Variants in USP31 observed in about 807,000 individuals in gnomAD.
USP31 encodes the protein ubiquitin specific peptidase 31.
Under a neutral mutation model 119.4 loss-of-function variants are expected in USP31, and 44 were observed. The ratio of observed to expected loss-of-function variants is 0.37; its 90% confidence interval spans 0.29 to 0.47. The LOEUF (loss-of-function observed/expected upper bound fraction) is 0.47. USP31 is among the 20% of genes least tolerant of loss of function. The pLI is 0.99. For synonymous variants in USP31, 749 were observed against 705.6 expected (o/e 1.06, Z -0.97); for missense variants, 1,643 against 1,730.2 (o/e 0.95, Z 0.89).
At position 23,066,532 on chromosome 16, in the gene USP31, A is replaced by G. The variant is rs1258772253; in HGVS notation, c.*1514T>C. The G allele has an allele frequency of 6.6e-6, 1 of 152,186 alleles. No individual in the cohort carries two copies. The highest frequency in any genetic ancestry group is 6.5e-5 in the Admixed American group (1 of 15,268). The allele number at this position is 152,186 out of a possible 1,614,324, so 9.4% of individuals were successfully genotyped here. ...TATGGATCTGTGCACCAAGGGTTCA[A>G]GAAGAACTTGAAGAGTCTGACGAAA... On this transcript the variant is annotated 3_prime_UTR_variant, in exon 16 of 16. Transcript: ENST00000219689.
chr16:23,148,703 G>A lies in USP31; in HGVS notation c.568C>T (p.Leu190=). 1 of 1,493,192 alleles carries A rather than the reference G, an allele frequency of 6.7e-7. No individual in the cohort carries two copies. Among genetic ancestry groups the A allele is most frequent in the Non-Finnish European group, 8.9e-7 (1 of 1,124,318 alleles). 92.5% of individuals were successfully genotyped at this position (1,493,192 alleles called of 1,614,324 possible). Residue 190 remains leucine (L), a synonymous_variant, in exon 1 of 16, where the codon CTG becomes TTG. Transcript: ENST00000219689. ...CAGAGGGCCCGCACCAGGTGCGCCA[G>A]CTGCTCAGTGACCTCGCCCTGGCCC... ...AQGQGEVTEQ[L]AHLVRALWTL... is the part of the protein sequence containing the mutation.
chr16:23,080,076 G>T lies in USP31; in HGVS notation c.2046C>A (p.Ser682Arg). 1 of 1,613,918 alleles carries T rather than the reference G, an allele frequency of 6.2e-7. No individual in the cohort carries two copies. Among genetic ancestry groups the T allele is most frequent in the Non-Finnish European group, 8.5e-7 (1 of 1,179,898 alleles). Reference protein sequence around the residue: ...TPHVVKRSQSSWSLPSHWSPW... With the variant: ...TPHVVKRSQSRWSLPSHWSPW... Reference sequence around the variant, plus strand: ...GGGACCAATGCGATGGCAAACTCCAGCTGCTCTGGCTCCTCTTAACCACGT... The same window carrying T: ...GGGACCAATGCGATGGCAAACTCCATCTGCTCTGGCTCCTCTTAACCACGT... Residue 682 changes from serine (S) to arginine (R), a missense_variant, in exon 13 of 16, where the codon AGC becomes AGA. Ser to Arg is a moderately radical substitution (Grantham distance 110, BLOSUM62 -1). Transcript: ENST00000219689.
chr16:23,114,363 T>C (rs1264429116), intron 1 of USP31, among the ~76,000 whole-genome samples: 1 of 150,128 alleles, frequency 6.7e-6, no homozygotes, highest in African/African-American at 2.5e-5. Context: ...TCTCATGGCA[T>C]AGAGTTGGGC....
chr16:23,147,040 G>A lies in USP31; in HGVS notation c.633+1598C>T, dbSNP rs1596742942. Among the ~76,000 whole-genome samples the A allele has an allele frequency of 2.0e-5, 3 of 150,740 alleles. No homozygotes were observed. The South Asian group carries it at 6.3e-4, about 32-fold the overall frequency. ...CAGGCTAACATCAAGCTGAGACTTC[G>A]TCCTGGGCAAGATTAGGATAGGAAA... On this transcript the variant is annotated intron_variant, in intron 1 of 15. Transcript: ENST00000219689.
intron 2 of USP31, among the ~76,000 whole-genome samples, chr16:23,107,467 G>A (rs1230637443): frequency 6.6e-6 from 1 of 152,168 alleles, no homozygotes; most frequent in African/African-American, 2.4e-5. Flanking sequence ...AAAATTTGAA[G>A]TACAGAGAAG....
chr16:23,110,118 G>C (rs537503031), intron 1 of USP31, among the ~76,000 whole-genome samples: 2 of 152,308 alleles, frequency 1.3e-5, no homozygotes, highest in African/African-American at 4.8e-5. Flanking sequence ...ATTAACAAAA[G>C]GGAAACTGAG....
At chr16:23,135,399 A>G (rs1903158832) in intron 1 of USP31, among the ~76,000 whole-genome samples, 1 of 152,184 alleles carries the variant, frequency 6.6e-6, no homozygotes, top group Admixed American at 6.5e-5. Context: ...AAGAAGAAAA[A>G]TGATCTCTTT....
chr16:23,148,824 G>T lies in USP31; in HGVS notation c.447C>A (p.Thr149=), dbSNP rs1012945718. ...GCGCCAGGTACTCGGCGAAGAGCTC[G>T]GTGTTGCTGAGGCACTGCAGCGTGG... ...MNATLQCLSN[T]ELFAEYLALG... The change falls in exon 1 of 16, where the codon ACC becomes ACA. Residue 149 remains threonine (T), a synonymous_variant. Transcript: ENST00000219689. 27 of 1,538,222 alleles carry T rather than the reference G, an allele frequency of 1.8e-5. No homozygotes were observed. Among genetic ancestry groups the T allele is most frequent in the African/African-American group, 2.9e-5 (2 of 69,876 alleles).
At chr16:23,092,666 G>A (rs939905258) in intron 6 of USP31, among the ~76,000 whole-genome samples, 9 of 152,126 alleles carry the variant, frequency 5.9e-5, no homozygotes, top group African/African-American at 1.9e-4. Context: ...ACAGGGAAAC[G>A]TAACAACTGG....
intron 15 of USP31, among the ~76,000 whole-genome samples, 185 bp downstream of exon 15, chr16:23,071,860 A>G (rs1596682507): frequency 1.3e-5 from 2 of 152,354 alleles, no homozygotes; most frequent in South Asian, 4.1e-4. Context: ...GGAAAAGCAA[A>G]TGACTCTGTT....
intron 11 of USP31, among the ~76,000 whole-genome samples, chr16:23,083,488 G>T (rs1201242274): frequency 6.6e-6 from 1 of 151,090 alleles, no homozygotes; most frequent in East Asian, 1.9e-4. Context: ...AAGGTATCCT[G>T]CTACCATTCT....
intron 15 of USP31, among the ~76,000 whole-genome samples, chr16:23,071,748 A>G (rs537466032): frequency 0.28 from 168 of 596 alleles, 6 homozygotes; most frequent in Admixed American, 0.32. Context: ...ACACTTTGGG[A>G]AAAAAAAAAA....
At chr16:23,079,663 T>C in intron 13 of USP31, 1 of 305,732 alleles carries the variant, frequency 3.3e-6, no homozygotes, top group East Asian at 5.6e-5. Context: ...GGAGCGCAGG[T>C]TAGGTAAACA....
chr16:23,134,271 A>G lies in USP31; in HGVS notation c.633+14367T>C, dbSNP rs180870375. 5.3e-5 allele frequency among the ~76,000 whole-genome samples: 8 copies of G among 152,356 alleles called. No individual in the cohort carries two copies. In the East Asian group the frequency reaches 1.5e-3, roughly 29 times the overall value. ...TGATGAAACAGAATACAAAATTCAG[A>G]AATAAACCGTAACTCTAAATACAGA... is the stretch of plus-strand genomic sequence containing the variant. On this transcript the variant is annotated intron_variant, in intron 1 of 15. Transcript: ENST00000219689.
intron 1 of USP31, among the ~76,000 whole-genome samples, chr16:23,130,874 T>C (rs1206470252): frequency 2.0e-5 from 3 of 152,208 alleles, no homozygotes; most frequent in African/African-American, 7.2e-5. Flanking sequence ...TCCTTTCACA[T>C]AGGTGCTATG....
chr16:23,078,117 T>G (rs965069139), intron 13 of USP31, among the ~76,000 whole-genome samples: 19 of 151,874 alleles, frequency 1.3e-4, no homozygotes, highest in Middle Eastern at 3.4e-3. Context: ...ATCGAGACCA[T>G]CCTGGCCAAC....
intron 6 of USP31, 105 bp from the exon 7 acceptor site, chr16:23,090,909 T>C (rs1309445382): frequency 3.6e-5 from 38 of 1,069,436 alleles, no homozygotes; most frequent in Non-Finnish European, 4.8e-5. Flanking sequence ...AAAAATGTCA[T>C]TATGTAAATT....
At position 23,096,325 on chromosome 16, in the gene USP31, GA is replaced by G. The variant is rs567832256; in HGVS notation, c.1235-5522del. On this transcript the variant is annotated intron_variant, in intron 6 of 15. Transcript: ENST00000219689. ...CTACATATATATGCACCCAATACAG[GA>G]GCACCCAGATTCATAAAGCAAGTCC... is the stretch of plus-strand genomic sequence containing the variant. Among the ~76,000 whole-genome samples the G allele has an allele frequency of 1.8e-3, 275 of 152,216 alleles. 4 individuals carry two copies. The highest frequency in any genetic ancestry group is 6.2e-3 in the African/African-American group (258 of 41,536).
intron 1 of USP31, among the ~76,000 whole-genome samples, chr16:23,145,102 T>C (rs1903468382): frequency 6.6e-6 from 1 of 152,122 alleles, no homozygotes; most frequent in Non-Finnish European, 1.5e-5. Flanking sequence ...CACACGCCCT[T>C]TCATGCAACT....
Sources: gnomAD v4.1 joint callset for allele counts (sites outside exome capture counted in the v4.1 genomes callset) on GRCh38, gnomAD v4.1.1 for gene constraint, MANE v1.5 for transcripts, NCBI Gene and HGNC (gene_info 2026-07-23, HGNC 2026-07-21) for gene names.